NIPSNAP2: variants seen among roughly 807,000 people sequenced by gnomAD.
NIPSNAP2 encodes protein NipSnap homolog 2.
Under a neutral mutation model 48.4 loss-of-function variants are expected in NIPSNAP2, and 42 were observed. The ratio of observed to expected loss-of-function variants is 0.87; its 90% confidence interval spans 0.68 to 1.12. NIPSNAP2 has a LOEUF of 1.12. Among genes scored for constraint, NIPSNAP2 ranks in the 50% most tolerant of loss-of-function variants. The probability of loss-of-function intolerance (pLI) is 0.00; values close to 1 mark genes in which losing one functional copy is unlikely to be tolerated. For synonymous variants in NIPSNAP2, 158 were observed against 126.6 expected (o/e 1.25, Z -1.67); for missense variants, 314 against 347.3 (o/e 0.90, Z 0.76).
At chr7:55,979,858 G>T in intron 3 of NIPSNAP2, 1 of 456,636 alleles carries the variant, frequency 2.2e-6, no homozygotes, top group South Asian at 1.5e-5. Flanking sequence ...CTGGGTACAA[G>T]TACTGCCTGC....
At chr7:55,979,015 G>A (rs1787159641) in intron 3 of NIPSNAP2, 1 of 152,308 alleles carries the variant, frequency 6.6e-6, no homozygotes, top group Non-Finnish European at 1.5e-5. Flanking sequence ...ATGACCCATG[G>A]TGAGCAAATG....
rs1361355324 is a variant in NIPSNAP2 at position 55,978,264 on chromosome 7, G to T, written c.231G>T (p.Gln77His). The change falls in exon 2 of 10, where the codon CAG becomes CAT. Residue 77 changes from glutamine (Q) to histidine (H), a missense_variant and splice_region_variant. This residue lies in a region of NIPSNAP2 where 198 missense variants were observed against 185.5 expected (regional missense o/e 1.07). Coordinates refer to ENST00000322090, the MANE Select transcript of NIPSNAP2 (RefSeq NM_001483.3). ...KKETSNLYKL[Q>H]FHNVKPECLE... ...AAACAAGCAATCTATACAAATTACA[G>T]TGTGAGTGACAGGTTTGCTATCTTC... 1 of 1,614,090 alleles carries T rather than the reference G, an allele frequency of 6.2e-7. No homozygotes were observed. Among genetic ancestry groups the T allele is most frequent in the South Asian group, 1.1e-5 (1 of 91,060 alleles).
intron 7 of NIPSNAP2, among the ~76,000 whole-genome samples, chr7:55,994,536 A>T (rs1032141481): frequency 1.3e-4 from 20 of 152,046 alleles, no homozygotes; most frequent in Non-Finnish European, 2.5e-4. Flanking sequence ...AACATAGGGA[A>T]ATCTTGTCTC....
intron 7 of NIPSNAP2, chr7:55,991,761 A>ATATATATATATATATATATATAT: frequency 6.7e-6 from 1 of 148,472 alleles, no homozygotes; most frequent in Non-Finnish European, 1.4e-5. Flanking sequence ...AAAAAAAAAA[A>ATATATATATATATATATATATAT]AAAAATATAT....
In NIPSNAP2 at chr7:55,999,357, C is replaced by A; in HGVS notation, c.*285C>A. On this transcript the variant is annotated 3_prime_UTR_variant, in exon 10 of 10. Coordinates refer to ENST00000322090, the MANE Select transcript of NIPSNAP2 (RefSeq NM_001483.3). Reference sequence around the variant, plus strand: ...CTCCCCACCCTCCAGAAGGGGTCCACGTTGAATTCTGAATCATCTTGAAAA... The same window carrying A: ...CTCCCCACCCTCCAGAAGGGGTCCAAGTTGAATTCTGAATCATCTTGAAAA... The A allele has an allele frequency of 3.6e-6, 1 of 277,904 alleles. No individual in the cohort carries two copies. Among genetic ancestry groups the A allele is most frequent in the Non-Finnish European group, 6.6e-6 (1 of 150,630 alleles). The allele number at this position is 277,904 out of a possible 1,614,324, so 17.2% of individuals were successfully genotyped here.
At chr7:55,994,170 C>T (rs1475914714) in intron 7 of NIPSNAP2, among the ~76,000 whole-genome samples, 1 of 152,138 alleles carries the variant, frequency 6.6e-6, no homozygotes, top group African/African-American at 2.4e-5. Flanking sequence ...GTACAGTGCC[C>T]TGTGGCACCT....
chr7:55,984,925 T>G (rs1341742158), intron 7 of NIPSNAP2, 47 bp downstream of exon 7: 1 of 1,468,594 alleles, frequency 6.8e-7, no homozygotes, highest in Non-Finnish European at 9.5e-7. Context: ...GTGAATAGAT[T>G]AGTTTAGGCC....
chr7:55,965,285 CTAAAAGTACTTAGAGTTATCAGCACTAAG>C (rs1406647073), intron 1 of NIPSNAP2: 3 of 152,024 alleles, frequency 2.0e-5, no homozygotes, highest in African/African-American at 4.8e-5. Flanking sequence ...GGCCGTGGAT[CTAAAAGTACTTAGAGTTATCAGCACTAAG>C]TTCAGGCGTG....
At chr7:55,969,171 G>A (rs529259486) in intron 1 of NIPSNAP2, among the ~76,000 whole-genome samples, 1 of 152,270 alleles carries the variant, frequency 6.6e-6, no homozygotes, top group East Asian at 1.9e-4. Context: ...AAACTCCTCT[G>A]GGTTTGAAGT....
At chr7:55,995,094 A>T in intron 8 of NIPSNAP2, 106 bp downstream of exon 8, 1 of 898,022 alleles carries the variant, frequency 1.1e-6, no homozygotes, top group Non-Finnish European at 1.8e-6. Flanking sequence ...CACTACAGCA[A>T]ATCCGACGTC....
chr7:55,998,511 T>TG (rs1787616336), intron 9 of NIPSNAP2, among the ~76,000 whole-genome samples: 2 of 136,844 alleles, frequency 1.5e-5, no homozygotes, highest in African/African-American at 5.4e-5. Flanking sequence ...TTTTTTTTTT[T>TG]TTTTTTTTGA....
chr7:55,992,412 C>T (rs1787472874), intron 7 of NIPSNAP2, among the ~76,000 whole-genome samples: 1 of 152,144 alleles, frequency 6.6e-6, no homozygotes, highest in African/African-American at 2.4e-5. Context: ...CTCCCTCGAG[C>T]CCAAGAGTTC....
chr7:55,970,604 G>A (rs537058118), intron 1 of NIPSNAP2, among the ~76,000 whole-genome samples: 67 of 152,114 alleles, frequency 4.4e-4, no homozygotes, highest in African/African-American at 1.5e-3. Context: ...GAGGCACTGC[G>A]CTTGTCCGAC....
chr7:55,977,024 A>ATT (rs1787120385), intron 1 of NIPSNAP2, among the ~76,000 whole-genome samples: 1 of 152,234 alleles, frequency 6.6e-6, no homozygotes, highest in Non-Finnish European at 1.5e-5. Context: ...ATGTGTTAAT[A>ATT]AAGTTGGTAT....
intron 7 of NIPSNAP2, among the ~76,000 whole-genome samples, chr7:55,993,820 G>C (rs1334092285): frequency 1.3e-5 from 2 of 151,962 alleles, no homozygotes; most frequent in Admixed American, 6.6e-5. Context: ...ACTGATCATA[G>C]TGTGATGTCC....
At chr7:55,970,182 T>G (rs1199464402) in intron 1 of NIPSNAP2, among the ~76,000 whole-genome samples, 8 of 151,992 alleles carry the variant, frequency 5.3e-5, no homozygotes, top group Admixed American at 5.3e-4. Flanking sequence ...TAGTGAGTAT[T>G]TATTGAGTGC....
intron 1 of NIPSNAP2, among the ~76,000 whole-genome samples, chr7:55,966,098 C>T (rs1241917523): frequency 5.3e-5 from 8 of 152,074 alleles, no homozygotes; most frequent in African/African-American, 9.7e-5. Flanking sequence ...TTCAGGAGGG[C>T]TGGGGAAGAA....
chr7:55,975,811 G>A (rs771008153), intron 1 of NIPSNAP2, among the ~76,000 whole-genome samples: 1 of 152,204 alleles, frequency 6.6e-6, no homozygotes, highest in Non-Finnish European at 1.5e-5. Context: ...GCCGAGGTGG[G>A]CAGATCACTT....
chr7:55,993,078 C>G (rs1462189895), intron 7 of NIPSNAP2, among the ~76,000 whole-genome samples: 1 of 152,040 alleles, frequency 6.6e-6, no homozygotes, highest in East Asian at 1.9e-4. Flanking sequence ...GTGGACAGAT[C>G]ACTTGAGGTC....
Sources: gnomAD v4.1 joint callset for allele counts (sites outside exome capture counted in the v4.1 genomes callset) on GRCh38, gnomAD v4.1.1 for gene constraint, gnomAD v4.1.1 regional missense constraint, MANE v1.5 for transcripts, NCBI Gene and HGNC (gene_info 2026-07-23, HGNC 2026-07-21) for gene names.